Variants in SORCS1 observed in about 807,000 individuals in gnomAD.
The protein encoded by SORCS1 is sortilin related VPS10 domain containing receptor 1, also known as VPS10 domain-containing receptor SorCS1.
A neutral mutation model predicts 146.1 loss-of-function variants in SORCS1; 60 were observed. That is an observed-to-expected ratio of 0.41 (90% CI 0.33 to 0.51). The LOEUF (loss-of-function observed/expected upper bound fraction) is 0.51. SORCS1 is among the 20% of genes least tolerant of loss of function. The pLI, the probability that SORCS1 is intolerant of heterozygous loss-of-function variation, is 0.21. For synonymous variants in SORCS1, 637 were observed against 584.0 expected (o/e 1.09, Z -1.31); for missense variants, 1,352 against 1,487.6 (o/e 0.91, Z 1.50).
intron 4 of SORCS1, among the ~76,000 whole-genome samples, chr10:106,765,640 C>T (rs905071787): frequency 2.0e-5 from 3 of 152,004 alleles, no homozygotes; most frequent in Non-Finnish European, 4.4e-5. Flanking sequence ...GAATGGGATG[C>T]ACTGGTTTTG....
At chr10:106,848,686 G>A (rs998821947) in intron 2 of SORCS1, among the ~76,000 whole-genome samples, 116 of 130,478 alleles carry the variant, frequency 8.9e-4, no homozygotes, top group African/African-American at 3.2e-3. Context: ...AGTCTCGATG[G>A]TCTTTACATT....
chr10:106,877,520 G>C (rs1009502572), intron 2 of SORCS1, among the ~76,000 whole-genome samples: 1 of 152,140 alleles, frequency 6.6e-6, no homozygotes, highest in Non-Finnish European at 1.5e-5. Context: ...GTGACAGACC[G>C]AGTCCATCTC....
chr10:106,850,248 T>C (rs1025084552), intron 2 of SORCS1, among the ~76,000 whole-genome samples: 4 of 151,964 alleles, frequency 2.6e-5, no homozygotes, highest in Admixed American at 6.6e-5. Flanking sequence ...ACTCCGTGGG[T>C]GGAGGACCCT....
chr10:107,070,261 A>C (rs1296660203), intron 1 of SORCS1, among the ~76,000 whole-genome samples: 1 of 118,264 alleles, frequency 8.5e-6, no homozygotes, highest in Non-Finnish European at 1.8e-5. Flanking sequence ...CCATTCGTAA[A>C]CAGTTTGTGT....
chr10:106,935,143 G>C (rs1205278410), intron 2 of SORCS1, among the ~76,000 whole-genome samples: 1 of 152,080 alleles, frequency 6.6e-6, no homozygotes, highest in African/African-American at 2.4e-5. Flanking sequence ...AGGAAACTGA[G>C]ACTCAGAAGC....
At chr10:106,672,816 A>T (rs376652393) in intron 15 of SORCS1, 52 bp downstream of exon 15, 6 of 1,497,872 alleles carry the variant, frequency 4.0e-6, no homozygotes, top group Non-Finnish European at 5.6e-6. Flanking sequence ...CTTTCCCCCA[A>T]CACCACTCAT....
intron 1 of SORCS1, among the ~76,000 whole-genome samples, chr10:107,119,773 T>C (rs913896758): frequency 2.6e-5 from 4 of 152,202 alleles, no homozygotes; most frequent in Non-Finnish European, 5.9e-5. Flanking sequence ...TTTTTCATAT[T>C]TTCTGAGGAC....
At chr10:106,772,860 C>G (rs1252669403) in intron 4 of SORCS1, among the ~76,000 whole-genome samples, 2 of 152,106 alleles carry the variant, frequency 1.3e-5, no homozygotes, top group Non-Finnish European at 2.9e-5. Flanking sequence ...TACCGCAGCT[C>G]ATATACGGTC....
At chr10:106,719,546 G>A (rs1212658505) in intron 6 of SORCS1, among the ~76,000 whole-genome samples, 7 of 151,996 alleles carry the variant, frequency 4.6e-5, no homozygotes, top group Admixed American at 1.3e-4. Flanking sequence ...CCAAGTAGCT[G>A]GGACTATAGA....
intron 2 of SORCS1, among the ~76,000 whole-genome samples, chr10:106,879,946 C>T (rs1021308662): frequency 9.2e-5 from 14 of 152,184 alleles, no homozygotes; most frequent in Non-Finnish European, 1.5e-4. Flanking sequence ...TTCTGATCTA[C>T]AGAATTGTGT....
chr10:106,633,858 C>T (rs538521988), intron 18 of SORCS1, among the ~76,000 whole-genome samples: 1 of 152,216 alleles, frequency 6.6e-6, no homozygotes, highest in African/African-American at 2.4e-5. Context: ...TGTTTTGAGG[C>T]CTCTGAGAGG....
chr10:106,882,428 C>G (rs1007107617), intron 2 of SORCS1, among the ~76,000 whole-genome samples: 1 of 152,194 alleles, frequency 6.6e-6, no homozygotes, highest in Non-Finnish European at 1.5e-5. Context: ...GGTTCGGGCA[C>G]TACATATTCT....
At chr10:107,127,840 C>T (rs907895650) in intron 1 of SORCS1, among the ~76,000 whole-genome samples, 2 of 152,340 alleles carry the variant, frequency 1.3e-5, no homozygotes, top group Non-Finnish European at 1.5e-5. Context: ...GCAATAAAGG[C>T]TGGTTTTTGA....
Position 106,828,107 on chromosome 10 carries a change from T to C in SORCS1, c.726+1467A>G, listed in dbSNP as rs147116895. On this transcript the variant is annotated intron_variant, in intron 3 of 25. Coordinates refer to ENST00000263054, the MANE Select transcript of SORCS1 (RefSeq NM_052918.5). The stretch of plus-strand genomic sequence containing the variant: ...CAACTTCCCACACGAGGTAGGTAGG[T>C]ACTGTAACTGTCCCCCTTTTAAACC... 2.0e-3 allele frequency among the ~76,000 whole-genome samples: 298 copies of C among 152,316 alleles called. 2 individuals carry two copies. The highest frequency in any genetic ancestry group is 6.6e-3 in the African/African-American group (275 of 41,568).
Position 106,688,266 on chromosome 10 carries a change from T to G in SORCS1, c.1486A>C (p.Asn496His). Residue 496 changes from asparagine (N) to histidine (H), a missense_variant, in exon 10 of 26, where the codon AAC (asparagine) becomes CAC (histidine). Physicochemically the swap from Asn to His is moderately conservative, Grantham distance 68. This residue lies in a region of SORCS1 where 648 missense variants were observed against 793.8 expected (regional missense o/e 0.82). Transcript: ENST00000263054. ...AGCAAACGCCAGTCTCTGCCTTTGT[T>G]ATATGTGATGAAAGTCTTCACTTGG... is the stretch of plus-strand genomic sequence containing the variant. ...DNQVKTFITY[N>H]KGRDWRLLQA... The G allele has an allele frequency of 1.2e-6, 2 of 1,614,056 alleles. No homozygotes were observed. The highest frequency in any genetic ancestry group is 1.7e-6 in the Non-Finnish European group (2 of 1,179,930).
intron 3 of SORCS1, among the ~76,000 whole-genome samples, chr10:106,803,888 A>G (rs183505147): frequency 3.9e-5 from 6 of 152,308 alleles, no homozygotes; most frequent in Admixed American, 3.3e-4. Flanking sequence ...GACATTTTTC[A>G]TATCAGAATC....
chr10:106,962,728 T>A (rs112022218), intron 1 of SORCS1, among the ~76,000 whole-genome samples: 1 of 152,166 alleles, frequency 6.6e-6, no homozygotes, highest in African/African-American at 2.4e-5. Flanking sequence ...GTGTAACACA[T>A]GGGAAGACTC....
At chr10:107,013,955 G>A (rs1246939168) in intron 1 of SORCS1, among the ~76,000 whole-genome samples, 1 of 152,028 alleles carries the variant, frequency 6.6e-6, no homozygotes, top group Non-Finnish European at 1.5e-5. Flanking sequence ...ACCCTTGGAG[G>A]GGGCTTAAAA....
intron 1 of SORCS1, among the ~76,000 whole-genome samples, chr10:107,158,138 T>A (rs12766374): frequency 0.35 from 53,220 of 152,036 alleles, 11,185 homozygotes; most frequent in Middle Eastern, 0.52. Flanking sequence ...AGTATCAAGG[T>A]AAAAATGAAA....
Sources: allele counts gnomAD v4.1 joint callset (sites outside exome capture counted in the v4.1 genomes callset), GRCh38; gene constraint gnomAD v4.1.1; regional missense constraint gnomAD v4.1.1; transcripts MANE v1.5; gene names NCBI Gene and HGNC (gene_info 2026-07-23, HGNC 2026-07-21).